FANK1: variants seen among roughly 807,000 people sequenced by gnomAD.
FANK1 encodes fibronectin type 3 and ankyrin repeat domains protein 1.
In FANK1, 44 loss-of-function variants were observed where a neutral mutation model predicts 45.3. The ratio of observed to expected loss-of-function variants is 0.97; its 90% CI spans 0.76 to 1.25. The LOEUF (loss-of-function observed/expected upper bound fraction) is 1.25, where lower values mean the gene tolerates loss of function less well. Among genes scored for constraint, FANK1 ranks in the 50% most tolerant of loss-of-function variants. The probability of loss-of-function intolerance (pLI) is 0.00; values close to 1 mark genes in which losing one functional copy is unlikely to be tolerated. For missense variants in FANK1, 391 were observed against 424.4 expected (o/e 0.92, Z 0.69); for synonymous variants, 149 against 152.5 (o/e 0.98, Z 0.17).
chr10:125,969,791 G>GCCT (rs1239894723), intron 1 of FANK1, among the ~76,000 whole-genome samples: 13 of 152,100 alleles, frequency 8.5e-5, no homozygotes, highest in Non-Finnish European at 1.8e-4. Flanking sequence ...CAGTGTTTGT[G>GCCT]TCCCTGGGTA....
intron 1 of FANK1, among the ~76,000 whole-genome samples, chr10:125,898,280 C>T (rs548066263): frequency 3.3e-5 from 5 of 152,234 alleles, no homozygotes; most frequent in Middle Eastern, 3.4e-3. Flanking sequence ...TGTCTTTATC[C>T]ATTCATTCAT....
chr10:125,992,713 TC>T lies in FANK1; in HGVS notation c.317-2700del, dbSNP rs369026579. On this transcript the variant is annotated intron_variant, in intron 3 of 10. Coordinates refer to ENST00000368693, the MANE Select transcript of FANK1 (RefSeq NM_145235.5). ...CCTGGTTAGGATGCGCTAGGAAGTG[TC>T]CCCACCGAGAGAGCCTTTCTGTTCA... 3.3e-3 allele frequency among the ~76,000 whole-genome samples: 503 copies of T among 150,530 alleles called. 3 individuals carry two copies. Among genetic ancestry groups the T allele is most frequent in the African/African-American group, 0.012 (474 of 40,934 alleles).
At position 126,009,440 on chromosome 10, in the gene FANK1, G is replaced by A. The variant is rs1953503679; in HGVS notation, c.*2G>A. The A allele has an allele frequency of 1.9e-6, 3 of 1,613,942 alleles. No homozygotes were observed. Among genetic ancestry groups the A allele is most frequent in the Non-Finnish European group, 8.5e-7 (1 of 1,180,022 alleles). On this transcript the variant is annotated 3_prime_UTR_variant, in exon 11 of 11. Transcript: ENST00000368693. ...CCAAAGAAGTCTTGTGTCTGCTGAT[G>A]AGAGCACCACTCATCTGCGAAACGC...
intron 1 of FANK1, among the ~76,000 whole-genome samples, chr10:125,947,270 C>T (rs1328814871): frequency 1.3e-5 from 2 of 150,130 alleles, no homozygotes; most frequent in African/African-American, 4.9e-5. Context: ...ACAATATTAA[C>T]TTTAAATGTA....
intron 1 of FANK1, among the ~76,000 whole-genome samples, chr10:125,932,043 G>GT (rs1183402793): frequency 6.6e-6 from 1 of 152,084 alleles, no homozygotes; most frequent in Non-Finnish European, 1.5e-5. Context: ...TCTCTATTCT[G>GT]TTTCATTGTT....
chr10:125,958,029 G>A (rs996600561), intron 1 of FANK1, among the ~76,000 whole-genome samples: 4 of 152,054 alleles, frequency 2.6e-5, no homozygotes, highest in South Asian at 4.1e-4. Context: ...TTAGCATATC[G>A]TCTGGAACAT....
intron 1 of FANK1, among the ~76,000 whole-genome samples, chr10:125,901,377 C>G (rs532788166): frequency 6.6e-6 from 1 of 152,192 alleles, no homozygotes; most frequent in Non-Finnish European, 1.5e-5. Context: ...GCTACCATGC[C>G]GTGTAAGTTA....
intron 1 of FANK1, among the ~76,000 whole-genome samples, chr10:125,965,590 T>TA (rs1950163889): frequency 6.6e-6 from 1 of 152,218 alleles, no homozygotes; most frequent in Non-Finnish European, 1.5e-5. Context: ...GCTCTCCACT[T>TA]ATCAGTTCTG....
chr10:125,918,163 A>C (rs1286328532), intron 1 of FANK1, among the ~76,000 whole-genome samples: 619 of 152,266 alleles, frequency 4.1e-3, no homozygotes, highest in African/African-American at 0.014. Flanking sequence ...CTGGGTACAG[A>C]GTTTCACTTC....
At chr10:125,932,964 CA>C (rs1327403067) in intron 1 of FANK1, among the ~76,000 whole-genome samples, 1 of 151,776 alleles carries the variant, frequency 6.6e-6, no homozygotes, top group African/African-American at 2.4e-5. Context: ...GAGATCATGT[CA>C]TTTTTTTTTA....
intron 1 of FANK1, among the ~76,000 whole-genome samples, chr10:125,962,424 G>A (rs748928551): frequency 5.3e-5 from 8 of 152,010 alleles, no homozygotes; most frequent in East Asian, 3.9e-4. Context: ...CTTGTTTCTC[G>A]TCTCTTCCTT....
At chr10:125,978,530 GA>G (rs900336353) in intron 1 of FANK1, among the ~76,000 whole-genome samples, 10 of 152,122 alleles carry the variant, frequency 6.6e-5, no homozygotes, top group African/African-American at 2.4e-4. Flanking sequence ...GGGGTGGCTA[GA>G]GGCCCCAGTT....
At position 126,009,142 on chromosome 10, in the gene FANK1, C is replaced by T. The variant is rs200142676; in HGVS notation, c.927+11C>T. ...AGTGTAAAAAATGAGGTAAATGAGT[C>T]CATCTTTATGTAAAGATTTTCCTCG... On this transcript the variant is annotated intron_variant, in intron 9 of 10. Transcript: ENST00000368693. 6.2e-7 allele frequency: 1 copy of T among 1,614,022 alleles called. No individual in the cohort carries two copies. The highest frequency in any genetic ancestry group is 2.2e-5 in the East Asian group (1 of 44,892).
chr10:125,978,743 T>C (rs1037691571), intron 1 of FANK1, among the ~76,000 whole-genome samples: 5 of 152,108 alleles, frequency 3.3e-5, no homozygotes, highest in African/African-American at 9.7e-5. Flanking sequence ...GGGAGCTCCT[T>C]CTTAGGGTGG....
chr10:125,991,318 A>G (rs1267551866), intron 3 of FANK1, among the ~76,000 whole-genome samples: 1 of 149,238 alleles, frequency 6.7e-6, no homozygotes, highest in Admixed American at 6.7e-5. Context: ...CAGATAATAG[A>G]TAGCATCACT....
At chr10:125,971,757 G>C (rs1176529622) in intron 1 of FANK1, among the ~76,000 whole-genome samples, 37 of 151,976 alleles carry the variant, frequency 2.4e-4, no homozygotes, top group Admixed American at 2.4e-3. Flanking sequence ...GAGTAGCTGG[G>C]ACTACAGGTG....
intron 1 of FANK1, among the ~76,000 whole-genome samples, chr10:125,916,876 CT>C (rs1467684149): frequency 6.6e-6 from 1 of 152,208 alleles, no homozygotes; most frequent in Non-Finnish European, 1.5e-5. Context: ...TCACAAGGCC[CT>C]TGGGTGAGAG....
At chr10:125,995,316 C>G in intron 3 of FANK1, 101 bp from the exon 4 acceptor site, 1 of 1,040,192 alleles carries the variant, frequency 9.6e-7, no homozygotes, top group East Asian at 2.4e-5. Flanking sequence ...AGCCAAGCGC[C>G]TTCCTGAAGA....
chr10:125,950,889 T>G (rs1016338477), intron 1 of FANK1, among the ~76,000 whole-genome samples: 1 of 150,350 alleles, frequency 6.7e-6, no homozygotes, highest in African/African-American at 2.4e-5. Flanking sequence ...GTGGCACATA[T>G]ACACCATGGA....
Sources: allele counts gnomAD v4.1 joint callset (sites outside exome capture counted in the v4.1 genomes callset), GRCh38; gene constraint gnomAD v4.1.1; transcripts MANE v1.5; gene names NCBI Gene and HGNC (gene_info 2026-07-23, HGNC 2026-07-21).